The following PIK3C2G variants were observed in gnomAD, a reference collection of about 807,000 sequenced individuals.
PIK3C2G encodes phosphatidylinositol 3-kinase C2 domain-containing subunit gamma.
Under a neutral mutation model 181.1 loss-of-function variants are expected in PIK3C2G, and 168 were observed. The observed-to-expected ratio is 0.93, with a 90% CI of 0.82 to 1.05. PIK3C2G has a LOEUF of 1.05. PIK3C2G is among the 50% of genes least tolerant of loss of function. PIK3C2G has a pLI of 0.00. For missense variants in PIK3C2G, 1,869 were observed against 1,732.8 expected (o/e 1.08, Z -1.40); for synonymous variants, 573 against 592.2 (o/e 0.97, Z 0.47).
intron 18 of PIK3C2G, among the ~76,000 whole-genome samples, chr12:18,428,318 TA>T (rs538661611): frequency 1.9e-4 from 28 of 149,322 alleles, no homozygotes; most frequent in Middle Eastern, 3.4e-3. Flanking sequence ...TATCTTTCCT[TA>T]AAAAAAAGTC....
intron 20 of PIK3C2G, 124 bp from the exon 21 acceptor site, chr12:18,495,938 G>A (rs1592407557): frequency 1.9e-6 from 1 of 519,822 alleles, no homozygotes; most frequent in East Asian, 3.4e-5. Flanking sequence ...TTATTCATAT[G>A]TGTTACATTT....
the PIK3C2G span, among the ~76,000 whole-genome samples, chr12:18,697,684 T>G: frequency 6.6e-6 from 1 of 152,172 alleles, no homozygotes; most frequent in Non-Finnish European, 1.5e-5. Flanking sequence ...CCCATTCTTT[T>G]GTATGTGTAT....
At chr12:18,483,004 G>A (rs544249113) in intron 18 of PIK3C2G, among the ~76,000 whole-genome samples, 2 of 152,248 alleles carry the variant, frequency 1.3e-5, no homozygotes, top group East Asian at 3.9e-4. Context: ...CAACACTCTT[G>A]AAATATAGGA....
the PIK3C2G span, among the ~76,000 whole-genome samples, chr12:18,696,648 T>C: frequency 5.3e-5 from 8 of 152,030 alleles, no homozygotes; most frequent in Non-Finnish European, 1.0e-4. Flanking sequence ...TTTTCCCTTA[T>C]TATTTTTCCA....
intron 31 of PIK3C2G, among the ~76,000 whole-genome samples, chr12:18,633,602 A>T (rs913052464): frequency 2.0e-5 from 3 of 152,188 alleles, no homozygotes; most frequent in Admixed American, 6.5e-5. Context: ...GGTAATACTA[A>T]GAGTTGCCCT....
intron 31 of PIK3C2G, among the ~76,000 whole-genome samples, chr12:18,614,211 A>T (rs1948485903): frequency 6.6e-6 from 1 of 152,176 alleles, no homozygotes; most frequent in African/African-American, 2.4e-5. Flanking sequence ...GAGTTGGCCC[A>T]TTTTGACATT....
At chr12:18,663,305 C>A in the PIK3C2G span, among the ~76,000 whole-genome samples, 1 of 152,002 alleles carries the variant, frequency 6.6e-6, no homozygotes, top group African/African-American at 2.4e-5. Context: ...ACAGATAATA[C>A]GATCCTGTTT....
At chr12:18,442,407 A>G (rs552673264) in intron 18 of PIK3C2G, among the ~76,000 whole-genome samples, 75 of 152,046 alleles carry the variant, frequency 4.9e-4, no homozygotes, top group Middle Eastern at 6.9e-3. Context: ...TCAAATCTGA[A>G]AAGAACATTT....
intron 30 of PIK3C2G, among the ~76,000 whole-genome samples, chr12:18,595,682 T>C (rs1229111033): frequency 6.6e-6 from 1 of 152,172 alleles, no homozygotes; most frequent in African/African-American, 2.4e-5. Flanking sequence ...GGGCCAGCTG[T>C]ATCCACTTGT....
chr12:18,699,815 G>A, the PIK3C2G span: 7 of 1,613,058 alleles, frequency 4.3e-6, no homozygotes, highest in Admixed American at 3.3e-5. Flanking sequence ...GAAAGTTTTC[G>A]GGCTTGTGTC....
chr12:18,514,877 G>A (rs1329621052), intron 24 of PIK3C2G, among the ~76,000 whole-genome samples: 1 of 151,724 alleles, frequency 6.6e-6, no homozygotes, highest in Non-Finnish European at 1.5e-5. Flanking sequence ...GTTAGCTGTG[G>A]GTTTGTCATA....
intron 6 of PIK3C2G, among the ~76,000 whole-genome samples, chr12:18,315,447 AG>A (rs1950819325): frequency 6.6e-6 from 1 of 152,206 alleles, no homozygotes; most frequent in Admixed American, 6.5e-5. Flanking sequence ...TGGGGGAAGA[AG>A]ATAAAATGTA....
chr12:18,624,290 A>G (rs1334873060), intron 31 of PIK3C2G, among the ~76,000 whole-genome samples: 2 of 151,694 alleles, frequency 1.3e-5, no homozygotes, highest in Non-Finnish European at 3.0e-5. Context: ...TGAGATGATT[A>G]CATGATTTTG....
At chr12:18,314,124 C>A in intron 6 of PIK3C2G, 60 bp downstream of exon 6, 1 of 827,970 alleles carries the variant, frequency 1.2e-6, no homozygotes, top group Non-Finnish European at 1.9e-6. Context: ...GACAATATTT[C>A]TAATTTTTGA....
intron 18 of PIK3C2G, among the ~76,000 whole-genome samples, chr12:18,457,832 G>C (rs1003146196): frequency 6.6e-6 from 1 of 151,980 alleles, no homozygotes; most frequent in Admixed American, 6.6e-5. Flanking sequence ...ATCTAGAGTG[G>C]GGGTAATCAT....
intron 29 of PIK3C2G, among the ~76,000 whole-genome samples, chr12:18,573,128 T>G (rs1309067644): frequency 2.0e-5 from 3 of 152,202 alleles, no homozygotes; most frequent in Non-Finnish European, 4.4e-5. Flanking sequence ...TTATTTTCTT[T>G]TTTTATTGTG....
chr12:18,383,353 G>A (rs1942964684), intron 14 of PIK3C2G, among the ~76,000 whole-genome samples: 1 of 152,174 alleles, frequency 6.6e-6, no homozygotes, highest in Admixed American at 6.5e-5. Context: ...TCACTCTGAT[G>A]TAATGTGACA....
intron 11 of PIK3C2G, among the ~76,000 whole-genome samples, chr12:18,354,661 C>T (rs1940549355): frequency 6.6e-6 from 1 of 152,170 alleles, no homozygotes; most frequent in Admixed American, 6.5e-5. Context: ...CATAATTTGG[C>T]CAAACCTTTG....
chr12:18,313,945 A>C lies in PIK3C2G; in HGVS notation c.1035-17A>C. ...ATTATGGGAGGATATGATTGTGTTCATTTTTTCCTCCTTCAGCGACCACTG... is the reference window on the plus strand; with the variant it reads ...ATTATGGGAGGATATGATTGTGTTCCTTTTTTCCTCCTTCAGCGACCACTG... On this transcript the variant is annotated splice_polypyrimidine_tract_variant and intron_variant, in intron 5 of 32. Coordinates refer to ENST00000538779, the MANE Select transcript of PIK3C2G (RefSeq NM_001288772.2). 2 of 1,347,700 alleles carry C rather than the reference A, an allele frequency of 1.5e-6. No homozygotes were observed. The highest frequency in any genetic ancestry group is 2.1e-6 in the Non-Finnish European group (2 of 954,776). 83.5% of individuals were successfully genotyped at this position (1,347,700 alleles called of 1,614,324 possible).
Sources: gnomAD v4.1 joint callset for allele counts (sites outside exome capture counted in the v4.1 genomes callset) on GRCh38, gnomAD v4.1.1 for gene constraint, MANE v1.5 for transcripts, NCBI Gene and HGNC (gene_info 2026-07-23, HGNC 2026-07-21) for gene names.